MDGA2: variants seen among roughly 807,000 people sequenced by gnomAD.
MDGA2 encodes MAM domain-containing glycosylphosphatidylinositol anchor protein 2.
A neutral mutation model predicts 117.8 loss-of-function variants in MDGA2; 40 were observed. The ratio of observed to expected loss-of-function variants is 0.34; its 90% confidence interval spans 0.26 to 0.44. MDGA2 has a LOEUF of 0.44. MDGA2 is among the 20% of genes least tolerant of loss of function. The pLI is 1.00. For synonymous variants in MDGA2, 452 were observed against 439.0 expected, an observed-to-expected ratio of 1.03 and a Z score of -0.37; for missense variants, 1,123 against 1,250.6, an observed-to-expected ratio of 0.90 and a Z score of 1.54.
chr14:47,639,308 A>G (rs1897380419), intron 1 of MDGA2, among the ~76,000 whole-genome samples: 1 of 152,172 alleles, frequency 6.6e-6, no homozygotes, highest in South Asian at 2.1e-4. Flanking sequence ...ATGAAGAAAC[A>G]TATTCACTAC....
chr14:47,057,442 A>T lies in MDGA2; in HGVS notation c.1525+3807T>A, dbSNP rs190212879. Among the ~76,000 whole-genome samples, 14 of 152,236 alleles carry T rather than the reference A, an allele frequency of 9.2e-5. No individual in the cohort carries two copies. In the East Asian group the frequency reaches 2.7e-3, roughly 29 times the overall value. ...TGTATATGTAGCAATAACACAGGAA[A>T]GAAATCTAAAGGAAACACTAATTTT... On this transcript the variant is annotated intron_variant, in intron 7 of 16. Coordinates refer to ENST00000399232, the MANE Select transcript of MDGA2 (RefSeq NM_001113498.3).
intron 2 of MDGA2, among the ~76,000 whole-genome samples, chr14:47,229,719 T>C (rs556000541): frequency 2.0e-5 from 3 of 151,512 alleles, no homozygotes; most frequent in Non-Finnish European, 4.4e-5. Flanking sequence ...AAAAAAAAAA[T>C]TAAACTGGGC....
At chr14:46,965,321 T>C (rs1335233254) in intron 8 of MDGA2, among the ~76,000 whole-genome samples, 6 of 152,106 alleles carry the variant, frequency 3.9e-5, no homozygotes, top group Non-Finnish European at 8.8e-5. Flanking sequence ...AGACTCTCTC[T>C]ATATATGAAT....
chr14:47,471,931 G>T (rs1455090316), intron 1 of MDGA2, among the ~76,000 whole-genome samples: 2 of 152,010 alleles, frequency 1.3e-5, no homozygotes, highest in African/African-American at 4.8e-5. Flanking sequence ...AATGTTTATG[G>T]TGTTATTATA....
chr14:47,096,785 C>A (rs1879996896), intron 6 of MDGA2, 69 bp downstream of exon 6: 1 of 1,471,416 alleles, frequency 6.8e-7, no homozygotes, highest in Non-Finnish European at 9.4e-7. Context: ...AATTTTATAT[C>A]AACCATTATT....
intron 8 of MDGA2, 64 bp from the exon 9 acceptor site, chr14:46,957,707 T>C: frequency 6.4e-7 from 1 of 1,574,216 alleles, no homozygotes; most frequent in Non-Finnish European, 8.7e-7. Flanking sequence ...AAGCTACTCT[T>C]ATTAGAAGAA....
chr14:47,510,590 A>G (rs368615757), intron 1 of MDGA2, among the ~76,000 whole-genome samples: 1 of 152,170 alleles, frequency 6.6e-6, no homozygotes, highest in Admixed American at 6.5e-5. Context: ...TTGAATAGTC[A>G]TGTTGCTGTT....
At chr14:46,995,657 A>G (rs1303003029) in intron 8 of MDGA2, among the ~76,000 whole-genome samples, 2 of 151,920 alleles carry the variant, frequency 1.3e-5, no homozygotes, top group Non-Finnish European at 1.5e-5. Flanking sequence ...TTTATATCAA[A>G]GTATTTTCAG....
intron 1 of MDGA2, among the ~76,000 whole-genome samples, chr14:47,391,587 G>T (rs182589366): frequency 6.6e-6 from 1 of 152,042 alleles, no homozygotes; most frequent in African/African-American, 2.4e-5. Context: ...CTTGTCACAG[G>T]TATGCATATA....
chr14:47,257,319 T>A (rs187262287), intron 2 of MDGA2, among the ~76,000 whole-genome samples: 1 of 152,244 alleles, frequency 6.6e-6, no homozygotes, highest in Admixed American at 6.5e-5. Context: ...CAGAGACCTT[T>A]CCCTTGCTGT....
intron 2 of MDGA2, among the ~76,000 whole-genome samples, chr14:47,254,719 G>C (rs1192197468): frequency 6.6e-6 from 1 of 152,004 alleles, no homozygotes; most frequent in Non-Finnish European, 1.5e-5. Context: ...CCAATTTTCG[G>C]GTATTCTTAT....
intron 1 of MDGA2, among the ~76,000 whole-genome samples, chr14:47,359,357 ACAAACAAACAAG>A (rs1891062864): frequency 6.6e-6 from 1 of 152,026 alleles, no homozygotes; most frequent in African/African-American, 2.4e-5. Context: ...TGTCTCAAAA[ACAAACAAACAAG>A]CAAACAAACA....
At chr14:47,082,734 G>T (rs1253801953) in intron 6 of MDGA2, among the ~76,000 whole-genome samples, 1 of 151,776 alleles carries the variant, frequency 6.6e-6, no homozygotes, top group Non-Finnish European at 1.5e-5. Context: ...ATATAGCAAA[G>T]CCAACAGACC....
intron 1 of MDGA2, among the ~76,000 whole-genome samples, chr14:47,665,222 C>G (rs944412042): frequency 6.6e-5 from 10 of 152,190 alleles, no homozygotes; most frequent in African/African-American, 2.4e-4. Context: ...CAAGTTTTCT[C>G]CAACCACAAT....
rs1404175002 is a variant in MDGA2 at position 47,674,994 on chromosome 14, C to T, written c.-198G>A. Reference sequence around the variant, plus strand: ...CGGGCTCGAGTCTCCGCAGCTGCGGCGGCGGCGGCGGCGCGCTGGGCCGGC... The same window carrying T: ...CGGGCTCGAGTCTCCGCAGCTGCGGTGGCGGCGGCGGCGCGCTGGGCCGGC... On this transcript the variant is annotated 5_prime_UTR_variant, in exon 1 of 17. Coordinates refer to ENST00000399232, the MANE Select transcript of MDGA2 (RefSeq NM_001113498.3). 1 of 338,228 alleles carries T rather than the reference C, an allele frequency of 3.0e-6. No homozygotes were observed. The highest frequency in any genetic ancestry group is 5.3e-6 in the Non-Finnish European group (1 of 188,802). 21.0% of individuals were successfully genotyped at this position (338,228 alleles called of 1,614,324 possible).
At chr14:46,925,864 TA>T (rs1170651132) in intron 9 of MDGA2, among the ~76,000 whole-genome samples, 3 of 151,820 alleles carry the variant, frequency 2.0e-5, no homozygotes, top group Non-Finnish European at 4.4e-5. Context: ...CATGAAGGGA[TA>T]AAAAAAGAGA....
intron 8 of MDGA2, among the ~76,000 whole-genome samples, chr14:46,999,370 TA>T (rs1220147592): frequency 1.3e-5 from 2 of 152,112 alleles, no homozygotes; most frequent in Non-Finnish European, 2.9e-5. Context: ...GATTGGTTTT[TA>T]AATTAAGGTC....
intron 3 of MDGA2, among the ~76,000 whole-genome samples, chr14:47,172,688 A>G: frequency 6.6e-6 from 1 of 151,448 alleles, no homozygotes; most frequent in Non-Finnish European, 1.5e-5. Flanking sequence ...ATAAAACCAC[A>G]AAGATGGGGA....
At chr14:47,214,064 T>C (rs1250501384) in intron 3 of MDGA2, among the ~76,000 whole-genome samples, 1 of 152,070 alleles carries the variant, frequency 6.6e-6, no homozygotes, top group Non-Finnish European at 1.5e-5. Flanking sequence ...AAAAACTCAC[T>C]ATCACGAGAA....
Sources: gnomAD v4.1 joint callset for allele counts (sites outside exome capture counted in the v4.1 genomes callset) on GRCh38, gnomAD v4.1.1 for gene constraint, MANE v1.5 for transcripts, NCBI Gene and HGNC (gene_info 2026-07-23, HGNC 2026-07-21) for gene names.